Variants in NUP43 observed in about 807,000 individuals in gnomAD.
NUP43 encodes nucleoporin 43.
In NUP43, 32 loss-of-function variants were observed where a neutral mutation model predicts 47.3. The observed-to-expected ratio is 0.68, with a 90% CI of 0.51 to 0.91. NUP43 has a LOEUF of 0.91. Among genes scored for constraint, NUP43 ranks in the 40% least tolerant of loss-of-function variants. The pLI, the probability that NUP43 is intolerant of heterozygous loss-of-function variation, is 0.00. For synonymous variants in NUP43, 147 were observed against 158.4 expected (o/e 0.93, Z 0.54); for missense variants, 444 against 453.9 (o/e 0.98, Z 0.20).
intron 5 of NUP43, 48 bp downstream of exon 5, chr6:149,738,595 C>A: frequency 7.3e-7 from 1 of 1,373,306 alleles, no homozygotes; most frequent in South Asian, 1.7e-5. Flanking sequence ...AACAACCTAA[C>A]ACATTAATTT....
At chr6:149,746,280 A>C in intron 1 of NUP43, 96 bp downstream of exon 1, 1 of 1,535,358 alleles carries the variant, frequency 6.5e-7, no homozygotes, top group Non-Finnish European at 8.9e-7. Flanking sequence ...AAGTGCGAGA[A>C]GAACCAGAAG....
Position 149,743,710 on chromosome 6 carries a change from A to G in NUP43, c.249T>C (p.Phe83=). The change falls in exon 3 of 8, where the codon TTT becomes TTC. Residue 83 remains phenylalanine, a synonymous_variant. Transcript: ENST00000340413. ...HHGDVMDLQF[F]DQERIVAASS... ...AAGCAGCGACAATTCTTTCCTGGTC[A>G]AAAAACTAAAGAGAAAATTTCTGCT... 6.2e-7 allele frequency: 1 copy of G among 1,604,866 alleles called. No individual in the cohort carries two copies. The highest frequency in any genetic ancestry group is 8.5e-7 in the Non-Finnish European group (1 of 1,173,612).
chr6:149,730,217 C>A (rs1582959556), intron 7 of NUP43, among the ~76,000 whole-genome samples: 4 of 152,146 alleles, frequency 2.6e-5, no homozygotes, highest in Admixed American at 2.6e-4. Flanking sequence ...CCATGTTGGT[C>A]AGGCTGGTCT....
chr6:149,724,891 CAT>C lies in NUP43; in HGVS notation c.*2076_*2077del, dbSNP rs1784739190. On this transcript the variant is annotated 3_prime_UTR_variant, in exon 8 of 8. Transcript: ENST00000340413. ...GGCGTGAGCCACCATGCCTGGCCAC[CAT>C]ATGTTTTTAAGTATAGGTTGGATGA... 1 of 151,938 alleles carries C rather than the reference CAT, an allele frequency of 6.6e-6. No homozygotes were observed. The highest frequency in any genetic ancestry group is 2.4e-5 in the African/African-American group (1 of 41,378). The allele number at this position is 151,938 out of a possible 1,614,324, so 9.4% of individuals were successfully genotyped here.
Position 149,726,871 on chromosome 6 carries a change from G to T in NUP43, c.*98C>A. ...ATGGTAGTTTACTGATGTTTCCCCT[G>T]CAAATCTCGTATTTTCTGATACTAA... is the stretch of plus-strand genomic sequence containing the variant. On this transcript the variant is annotated 3_prime_UTR_variant, in exon 8 of 8. Coordinates refer to ENST00000340413, the MANE Select transcript of NUP43 (RefSeq NM_198887.3). 1 of 885,988 alleles carries T rather than the reference G, an allele frequency of 1.1e-6. No individual in the cohort carries two copies. Among genetic ancestry groups the T allele is most frequent in the Non-Finnish European group, 1.8e-6 (1 of 559,650 alleles). The allele number at this position is 885,988 out of a possible 1,614,324, so 54.9% of individuals were successfully genotyped here.
At chr6:149,740,655 T>C (rs9688517) in intron 4 of NUP43, among the ~76,000 whole-genome samples, 66,650 of 151,910 alleles carry the variant, frequency 0.44, 15,639 homozygotes, top group East Asian at 0.81. Flanking sequence ...AACACACACA[T>C]ACAAAATGGA....
intron 6 of NUP43, among the ~76,000 whole-genome samples, chr6:149,735,975 T>TAAAA (rs75190982): frequency 8.5e-6 from 1 of 117,172 alleles, no homozygotes; most frequent in African/African-American, 3.4e-5. Flanking sequence ...CCTGTCTCTT[T>TAAAA]AAAAAAAAAA....
At chr6:149,730,014 T>G (rs1443194745) in intron 7 of NUP43, among the ~76,000 whole-genome samples, 7 of 150,778 alleles carry the variant, frequency 4.6e-5, no homozygotes, top group Non-Finnish European at 1.0e-4. Flanking sequence ...GCACGCCCTT[T>G]TTTTTTTTTT....
upstream of NUP43, among the ~76,000 whole-genome samples, chr6:149,747,023 G>C (rs148561918): frequency 2.8e-3 from 422 of 152,286 alleles, 4 homozygotes; most frequent in African/African-American, 9.8e-3. Flanking sequence ...TTGGAATTCT[G>C]AAAGACTCCA....
intron 6 of NUP43, among the ~76,000 whole-genome samples, chr6:149,736,254 G>A (rs1265380054): frequency 6.6e-6 from 1 of 152,108 alleles, no homozygotes; most frequent in Non-Finnish European, 1.5e-5. Context: ...TCCAGCCTGG[G>A]CAACAAGGGT....
At position 149,725,503 on chromosome 6, in the gene NUP43, T is replaced by A. The variant is rs1020504432; in HGVS notation, c.*1466A>T. The stretch of plus-strand genomic sequence containing the variant: ...ACTCGGGAGGCTGAGGCAGGAGAAT[T>A]GCTTGAACCTAAGAGACGGAGGTTG... On this transcript the variant is annotated 3_prime_UTR_variant, in exon 8 of 8. Coordinates refer to ENST00000340413, the MANE Select transcript of NUP43 (RefSeq NM_198887.3). 1 of 152,170 alleles carries A rather than the reference T, an allele frequency of 6.6e-6. No homozygotes were observed. Among genetic ancestry groups the A allele is most frequent in the African/African-American group, 2.4e-5 (1 of 41,424 alleles). 9.4% of individuals were successfully genotyped at this position (152,170 alleles called of 1,614,324 possible).
intron 6 of NUP43, among the ~76,000 whole-genome samples, chr6:149,735,987 A>C (rs1413859820): frequency 6.6e-6 from 1 of 150,626 alleles, no homozygotes; most frequent in Non-Finnish European, 1.5e-5. Flanking sequence ...AAAAAAAAAA[A>C]AAAAAAAAAA....
At chr6:149,743,761 G>A (rs773188938) in intron 2 of NUP43, 46 bp from the exon 3 acceptor site, 1 of 1,193,674 alleles carries the variant, frequency 8.4e-7, no homozygotes, top group Admixed American at 1.8e-5. Flanking sequence ...AATATTAGCA[G>A]GGAGGAAGTC....
At chr6:149,745,779 G>A (rs911048192) in intron 2 of NUP43, among the ~76,000 whole-genome samples, 161 bp downstream of exon 2, 14 of 152,126 alleles carry the variant, frequency 9.2e-5, no homozygotes, top group African/African-American at 3.4e-4. Flanking sequence ...TCCTTTTTCT[G>A]CCACTAAATG....
intron 1 of NUP43, 117 bp downstream of exon 1, chr6:149,746,258 CG>C: frequency 1.4e-6 from 2 of 1,467,496 alleles, no homozygotes; most frequent in Non-Finnish European, 1.9e-6. Context: ...GACAGGGGTC[CG>C]GGGGACCTAA....
chr6:149,746,520 T>G lies in NUP43; in HGVS notation c.-25A>C, dbSNP rs200177063. ...TGCCGAAAGCGGCCGCAGCAGGTAC[T>G]GCAAAAAGCAAGCACAGTACGCGCC... On this transcript the variant is annotated 5_prime_UTR_variant, in exon 1 of 8. Coordinates refer to ENST00000340413, the MANE Select transcript of NUP43 (RefSeq NM_198887.3). 1 of 1,614,116 alleles carries G rather than the reference T, an allele frequency of 6.2e-7. No individual in the cohort carries two copies. The highest frequency in any genetic ancestry group is 8.5e-7 in the Non-Finnish European group (1 of 1,180,004).
chr6:149,747,688 A>C (rs1786083720), upstream of NUP43, among the ~76,000 whole-genome samples: 1 of 152,176 alleles, frequency 6.6e-6, no homozygotes, highest in Non-Finnish European at 1.5e-5. Flanking sequence ...AATACAAGAG[A>C]TATGACTTAT....
chr6:149,730,048 T>C (rs1054029910), intron 7 of NUP43, among the ~76,000 whole-genome samples: 1 of 151,532 alleles, frequency 6.6e-6, no homozygotes, highest in Non-Finnish European at 1.5e-5. Flanking sequence ...TCGCTTTTGC[T>C]ATCCAGGCTG....
intron 5 of NUP43, among the ~76,000 whole-genome samples, chr6:149,737,155 A>G (rs966866888): frequency 1.3e-5 from 2 of 152,042 alleles, no homozygotes; most frequent in East Asian, 3.9e-4. Context: ...ATGGTGGCAC[A>G]TGCCTGTAGT....
Sources: allele counts gnomAD v4.1 joint callset (sites outside exome capture counted in the v4.1 genomes callset), GRCh38; gene constraint gnomAD v4.1.1; transcripts MANE v1.5; gene names NCBI Gene and HGNC (gene_info 2026-07-23, HGNC 2026-07-21).